Variants in FBRSL1 observed in about 807,000 individuals in gnomAD.
The protein encoded by FBRSL1 is fibrosin like 1, also known as fibrosin-1-like protein.
Under a neutral mutation model 89.6 loss-of-function variants are expected in FBRSL1, and 51 were observed. The observed-to-expected ratio is 0.57, with a 90% CI of 0.45 to 0.72. FBRSL1 has a LOEUF of 0.72. Among genes scored for constraint, FBRSL1 ranks in the 30% least tolerant of loss-of-function variants. The pLI is 0.00. For missense variants in FBRSL1, 1,618 were observed against 1,451.8 expected (o/e 1.11, Z -1.86); for synonymous variants, 779 against 681.1 (o/e 1.14, Z -2.24).
At chr12:132,545,405 G>A (rs926506362) in intron 4 of FBRSL1, among the ~76,000 whole-genome samples, 8 of 152,208 alleles carry the variant, frequency 5.3e-5, no homozygotes, top group Non-Finnish European at 1.0e-4. Context: ...AATTCAGTAG[G>A]ACTTAATAAC....
At chr12:132,571,037 A>T in intron 8 of FBRSL1, 31 bp from the exon 9 acceptor site, 1 of 1,283,830 alleles carries the variant, frequency 7.8e-7, no homozygotes, top group Non-Finnish European at 9.8e-7. Context: ...GCTCCCGGGG[A>T]GGGGCTCACC....
chr12:132,497,831 T>C (rs2032292837), intron 1 of FBRSL1, among the ~76,000 whole-genome samples: 2 of 152,134 alleles, frequency 1.3e-5, no homozygotes, highest in African/African-American at 4.8e-5. Flanking sequence ...AGGGTGAGCA[T>C]GTAAGCAGCC....
At chr12:132,506,813 G>A (rs888724519) in intron 1 of FBRSL1, among the ~76,000 whole-genome samples, 2 of 152,244 alleles carry the variant, frequency 1.3e-5, no homozygotes, top group African/African-American at 2.4e-5. Context: ...TCTGGGCCTT[G>A]AGTGGTGGCT....
chr12:132,524,597 G>T (rs1326617490), intron 2 of FBRSL1, among the ~76,000 whole-genome samples: 4 of 152,170 alleles, frequency 2.6e-5, no homozygotes, highest in Non-Finnish European at 4.4e-5. Context: ...TCCTGACTTG[G>T]ATGACTCAAA....
At chr12:132,515,899 C>CAAAAAAAA (rs60767937) in intron 2 of FBRSL1, among the ~76,000 whole-genome samples, 2 of 65,634 alleles carry the variant, frequency 3.0e-5, no homozygotes, top group Non-Finnish European at 5.8e-5. Flanking sequence ...GACTCCGTCT[C>CAAAAAAAA]AAAAAAAAAA....
Position 132,580,816 on chromosome 12 carries a change from T to A in FBRSL1, c.1835-623T>A, listed in dbSNP as rs954161706. On this transcript the variant is annotated intron_variant, in intron 15 of 18. Coordinates refer to ENST00000680143, the MANE Select transcript of FBRSL1 (RefSeq NM_001367871.1). Reference sequence around the variant, plus strand: ...ACCAGAAACCTGCTCTCTGGACCCATGTGGAGGACGGCCCCTGACCAACAG... The same window carrying A: ...ACCAGAAACCTGCTCTCTGGACCCAAGTGGAGGACGGCCCCTGACCAACAG... The A allele has an allele frequency of 5.1e-6, 5 of 985,302 alleles. No homozygotes were observed. The African/African-American group carries it at 8.7e-5, about 17-fold the overall frequency. 61.0% of individuals were successfully genotyped at this position (985,302 alleles called of 1,614,324 possible).
At chr12:132,533,177 G>A (rs184885279) in intron 4 of FBRSL1, among the ~76,000 whole-genome samples, 2,045 of 139,596 alleles carry the variant, frequency 0.015, 32 homozygotes, top group Non-Finnish European at 0.024. Flanking sequence ...GTCTCCTCCC[G>A]ACCCAGCCTC....
Position 132,583,853 on chromosome 12 carries a change from A to C in FBRSL1, c.*75A>C. ...CTCCATCAGTTCCTAGAACTCAAGC[A>C]CAGCTCCCGCCGATCCTGGGGCGGC... On this transcript the variant is annotated 3_prime_UTR_variant, in exon 19 of 19. Coordinates refer to ENST00000680143, the MANE Select transcript of FBRSL1 (RefSeq NM_001367871.1). 1 of 905,094 alleles carries C rather than the reference A, an allele frequency of 1.1e-6. No homozygotes were observed. Among genetic ancestry groups the C allele is most frequent in the Non-Finnish European group, 1.4e-6 (1 of 719,088 alleles). 56.1% of individuals were successfully genotyped at this position (905,094 alleles called of 1,614,324 possible).
At chr12:132,510,629 G>A in intron 2 of FBRSL1, 1 of 1,230,502 alleles carries the variant, frequency 8.1e-7, no homozygotes, top group Non-Finnish European at 1.0e-6. Context: ...CTCGGCCAGA[G>A]GCGGGAGCCC....
At chr12:132,496,978 G>T (rs2032146716) in intron 1 of FBRSL1, among the ~76,000 whole-genome samples, 1 of 152,282 alleles carries the variant, frequency 6.6e-6, no homozygotes, top group South Asian at 2.1e-4. Flanking sequence ...GGCTGTCCGT[G>T]AACTCCGGAC....
chr12:132,572,145 C>G lies in FBRSL1; in HGVS notation c.1378-143C>G, dbSNP rs562229397. On this transcript the variant is annotated intron_variant, in intron 9 of 18. Coordinates refer to ENST00000680143, the MANE Select transcript of FBRSL1 (RefSeq NM_001367871.1). Reference sequence around the variant, plus strand: ...CCGTGGGGCTGGCGCTCTAGAGGAGCCTGGGACGGCTGGCCGAAGCCGCCA... The same window carrying G: ...CCGTGGGGCTGGCGCTCTAGAGGAGGCTGGGACGGCTGGCCGAAGCCGCCA... 8.4e-5 allele frequency: 58 copies of G among 690,746 alleles called. 1 individual carries two copies. In the East Asian group the frequency reaches 1.1e-3, roughly 14 times the overall value. The allele number at this position is 690,746 out of a possible 1,614,324, so 42.8% of individuals were successfully genotyped here. A position where few individuals can be genotyped will look rare whatever the true frequency, so the allele number is the denominator to read the frequency against.
intron 2 of FBRSL1, chr12:132,511,528 G>T: frequency 1.0e-6 from 1 of 986,012 alleles, no homozygotes; most frequent in Non-Finnish European, 1.2e-6. Flanking sequence ...TGTTTGGGGG[G>T]GCTTTGACTG....
chr12:132,552,045 G>A (rs916214995), intron 5 of FBRSL1: 2 of 235,808 alleles, frequency 8.5e-6, no homozygotes, highest in Non-Finnish European at 1.7e-5. Context: ...ACAGTGGCAT[G>A]AGGTCAGACA....
chr12:132,527,006 C>T (rs2035841867), intron 3 of FBRSL1, among the ~76,000 whole-genome samples: 2 of 152,182 alleles, frequency 1.3e-5, no homozygotes, highest in Non-Finnish European at 2.9e-5. Flanking sequence ...CAGAGGGATC[C>T]CCACCAGAGG....
rs142656488 is a variant in FBRSL1, at chr12:132,518,014, G to A, written c.490-7720G>A. On this transcript the variant is annotated intron_variant, in intron 2 of 18. Transcript: ENST00000680143. ...AGTGGCCCCAACTCCAGAGCTGGCGGCACACACCTGCTGGAGTCCACTCTG... is the reference window on the plus strand; with the variant it reads ...AGTGGCCCCAACTCCAGAGCTGGCGACACACACCTGCTGGAGTCCACTCTG... Among the ~76,000 whole-genome samples, 980 of 152,178 alleles carry A rather than the reference G, an allele frequency of 6.4e-3. 7 individuals are homozygous for A. Among genetic ancestry groups the A allele is most frequent in the African/African-American group, 0.023 (942 of 41,470 alleles).
At chr12:132,510,809 C>T (rs1470398636) in intron 2 of FBRSL1, 8 of 1,118,034 alleles carry the variant, frequency 7.2e-6, no homozygotes, top group Non-Finnish European at 8.7e-6. Context: ...CCCCTGAGGG[C>T]GGGGACCTTG....
rs186026040 is a variant in FBRSL1 at position 132,575,459 on chromosome 12, C to T, written c.1701+895C>T. Among the ~76,000 whole-genome samples the T allele has an allele frequency of 9.9e-4, 151 of 152,302 alleles. 1 individual carries two copies. Among genetic ancestry groups the T allele is most frequent in the Admixed American group, 2.9e-3 (44 of 15,304 alleles). Reference sequence around the variant, plus strand: ...GGCCAGGATGGTCTCAATCTCTTGGCCTCATGATCCACCCACCTCGGCCTC... The same window carrying T: ...GGCCAGGATGGTCTCAATCTCTTGGTCTCATGATCCACCCACCTCGGCCTC... On this transcript the variant is annotated intron_variant, in intron 14 of 18. Coordinates refer to ENST00000680143, the MANE Select transcript of FBRSL1 (RefSeq NM_001367871.1).
chr12:132,529,758 C>CTGGGCTCTTCTCTGCCACCT (rs2136995067), intron 4 of FBRSL1, among the ~76,000 whole-genome samples: 1 of 152,228 alleles, frequency 6.6e-6, no homozygotes, highest in African/African-American at 2.4e-5. Context: ...CTCTGCCACC[C>CTGGGCTCTTCTCTGCCACCT]TGGGCTCAGC....
chr12:132,573,247 C>G (rs948463303), intron 11 of FBRSL1, among the ~76,000 whole-genome samples: 26 of 152,166 alleles, frequency 1.7e-4, no homozygotes, highest in Admixed American at 4.6e-4. Flanking sequence ...GGACCATCCC[C>G]GGTAGCTGCC....
Sources: allele counts gnomAD v4.1 joint callset (sites outside exome capture counted in the v4.1 genomes callset), GRCh38; gene constraint gnomAD v4.1.1; transcripts MANE v1.5; gene names NCBI Gene and HGNC (gene_info 2026-07-23, HGNC 2026-07-21).